Variants in GRIN2B observed in about 807,000 individuals in gnomAD.
GRIN2B encodes the protein glutamate receptor ionotropic, NMDA 2B.
In GRIN2B, 5 loss-of-function variants were observed where a neutral mutation model predicts 114.5. The ratio of observed to expected loss-of-function variants is 0.04; its 90% CI spans 0.02 to 0.09. The LOEUF is 0.09. GRIN2B is among the 10% of genes least tolerant of loss of function. The pLI is 1.00. For synonymous variants in GRIN2B, 787 were observed against 745.1 expected, an observed-to-expected ratio of 1.06 and a Z score of -0.92; for missense variants, 1,108 against 1,943.5, an observed-to-expected ratio of 0.57 and a Z score of 8.08.
At chr12:13,796,300 C>T (rs1299793106) in intron 3 of GRIN2B, among the ~76,000 whole-genome samples, 2 of 152,166 alleles carry the variant, frequency 1.3e-5, no homozygotes, top group Non-Finnish European at 1.5e-5. Context: ...GAGGATCAGA[C>T]CCTCTGATTT....
chr12:13,791,465 A>AT (rs1470023029), intron 3 of GRIN2B, among the ~76,000 whole-genome samples: 2 of 150,274 alleles, frequency 1.3e-5, no homozygotes, highest in Non-Finnish European at 3.0e-5. Flanking sequence ...AAAAAAAATA[A>AT]AAAAAAAAAA....
At chr12:13,869,644 G>A (rs373742859) in intron 2 of GRIN2B, among the ~76,000 whole-genome samples, 6 of 152,172 alleles carry the variant, frequency 3.9e-5, no homozygotes, top group African/African-American at 1.4e-4. Context: ...AGATTACACA[G>A]CTAATAAGGG....
At chr12:13,721,334 GT>G in intron 4 of GRIN2B, among the ~76,000 whole-genome samples, 2 of 151,902 alleles carry the variant, frequency 1.3e-5, no homozygotes, top group Admixed American at 1.3e-4. Flanking sequence ...AAATTTTGAT[GT>G]GATCATCTGA....
At chr12:13,707,149 G>A (rs574428017) in intron 4 of GRIN2B, among the ~76,000 whole-genome samples, 2 of 152,144 alleles carry the variant, frequency 1.3e-5, no homozygotes, top group South Asian at 2.1e-4. Context: ...TGAATCAAGA[G>A]CCTACCAAAT....
At chr12:13,805,338 C>G (rs1864582650) in intron 3 of GRIN2B, among the ~76,000 whole-genome samples, 1 of 152,126 alleles carries the variant, frequency 6.6e-6, no homozygotes, top group South Asian at 2.1e-4. Context: ...GTTCATGGAT[C>G]CGCATAAGAT....
intron 3 of GRIN2B, among the ~76,000 whole-genome samples, chr12:13,818,005 T>TA (rs756958016): frequency 2.0e-5 from 3 of 152,186 alleles, no homozygotes; most frequent in Admixed American, 6.5e-5. Flanking sequence ...GTTGAGATTG[T>TA]AAAAAGAGGC....
intron 3 of GRIN2B, among the ~76,000 whole-genome samples, chr12:13,800,294 C>G (rs1864485545): frequency 6.6e-6 from 1 of 152,160 alleles, no homozygotes; most frequent in Admixed American, 6.5e-5. Context: ...TTGCCTTCTC[C>G]TATCAAAGCT....
At chr12:13,979,128 G>C (rs2136880808) in intron 2 of GRIN2B, among the ~76,000 whole-genome samples, 1 of 152,286 alleles carries the variant, frequency 6.6e-6, no homozygotes, top group South Asian at 2.1e-4. Flanking sequence ...CAGTTTGCTT[G>C]GAGGATGTGT....
chr12:13,854,011 C>G (rs535141236), intron 3 of GRIN2B, among the ~76,000 whole-genome samples: 2 of 152,102 alleles, frequency 1.3e-5, no homozygotes, highest in Admixed American at 6.6e-5. Context: ...CCATTACTTA[C>G]AGTTGTGATA....
chr12:13,852,165 G>A (rs1410121295), intron 3 of GRIN2B, among the ~76,000 whole-genome samples: 1 of 152,208 alleles, frequency 6.6e-6, no homozygotes, highest in Non-Finnish European at 1.5e-5. Context: ...GGCTACCCTG[G>A]CTGGCTGCAC....
chr12:13,763,975 CTAA>C (rs1432868484), intron 3 of GRIN2B, among the ~76,000 whole-genome samples: 1 of 152,140 alleles, frequency 6.6e-6, no homozygotes, highest in Admixed American at 6.6e-5. Flanking sequence ...TTCTGAGGTT[CTAA>C]CTGCTTACCT....
At chr12:13,761,554 C>T (rs1344683028) in intron 3 of GRIN2B, among the ~76,000 whole-genome samples, 2 of 152,206 alleles carry the variant, frequency 1.3e-5, no homozygotes, top group African/African-American at 4.8e-5. Context: ...AGTAAGAGCA[C>T]TTTGAGAATG....
chr12:13,666,146 T>C (rs1949972709), intron 5 of GRIN2B, among the ~76,000 whole-genome samples: 1 of 152,162 alleles, frequency 6.6e-6, no homozygotes, highest in African/African-American at 2.4e-5. Flanking sequence ...CGGGCTTCTT[T>C]CCCCTCGAGG....
chr12:13,690,856 T>C lies in GRIN2B; in HGVS notation c.1011-14997A>G, dbSNP rs552776221. Reference sequence around the variant, plus strand: ...CAAAGCATTGGGGGAATCTGAAATATATGTTAAAATTAATATGTGAATATT... The same window carrying C: ...CAAAGCATTGGGGGAATCTGAAATACATGTTAAAATTAATATGTGAATATT... On this transcript the variant is annotated intron_variant, in intron 4 of 13. Coordinates refer to ENST00000609686, the MANE Select transcript of GRIN2B (RefSeq NM_000834.5). 6.6e-5 allele frequency among the ~76,000 whole-genome samples: 10 copies of C among 152,344 alleles called. No individual in the cohort carries two copies. In the East Asian group the frequency reaches 1.7e-3, roughly 26 times the overall value.
At chr12:13,869,357 T>C (rs747593629) in intron 2 of GRIN2B, among the ~76,000 whole-genome samples, 2 of 151,918 alleles carry the variant, frequency 1.3e-5, no homozygotes, top group African/African-American at 4.8e-5. Context: ...TTCCTCACTT[T>C]TATTCATATT....
chr12:13,571,339 G>C (rs908693430), intron 11 of GRIN2B, among the ~76,000 whole-genome samples: 1 of 152,158 alleles, frequency 6.6e-6, no homozygotes, highest in African/African-American at 2.4e-5. Flanking sequence ...AGAGGACAGA[G>C]TATGTTAACA....
In GRIN2B at chr12:13,562,477, G is replaced by A. The variant is rs1591604296; in HGVS notation, c.*306C>T. On this transcript the variant is annotated 3_prime_UTR_variant, in exon 14 of 14. Coordinates refer to ENST00000609686, the MANE Select transcript of GRIN2B (RefSeq NM_000834.5). ...GCTCTTCCACACCAGGAGGAAGCCCGCATGCAGCCCTTCCTTTCTCCGCTC... is the reference window on the plus strand; with the variant it reads ...GCTCTTCCACACCAGGAGGAAGCCCACATGCAGCCCTTCCTTTCTCCGCTC... 4 of 371,610 alleles carry A rather than the reference G, an allele frequency of 1.1e-5. No homozygotes were observed. The East Asian group carries it at 2.0e-4, about 18-fold the overall frequency. The allele number at this position is 371,610 out of a possible 1,614,324, so 23.0% of individuals were successfully genotyped here. A position where few individuals can be genotyped will look rare whatever the true frequency, so the allele number is the denominator to read the frequency against.
chr12:13,671,643 G>A (rs1269127891), intron 5 of GRIN2B, among the ~76,000 whole-genome samples: 1 of 152,166 alleles, frequency 6.6e-6, no homozygotes, highest in Non-Finnish European at 1.5e-5. Context: ...CCAGAGGAGG[G>A]GAAGTTACCT....
chr12:13,598,419 G>A (rs1296143388), intron 10 of GRIN2B, among the ~76,000 whole-genome samples: 1 of 152,094 alleles, frequency 6.6e-6, no homozygotes, highest in African/African-American at 2.4e-5. Flanking sequence ...TGGCCATTGT[G>A]GGGAGTATGG....
Sources: allele counts gnomAD v4.1 joint callset (sites outside exome capture counted in the v4.1 genomes callset), GRCh38; gene constraint gnomAD v4.1.1; transcripts MANE v1.5; gene names NCBI Gene and HGNC (gene_info 2026-07-23, HGNC 2026-07-21).